Variants in PDIA6 observed in about 807,000 individuals in gnomAD.
The protein encoded by PDIA6 is protein disulfide-isomerase A6.
Under a neutral mutation model 58.4 loss-of-function variants are expected in PDIA6, and 29 were observed. The ratio of observed to expected loss-of-function variants is 0.50; its 90% CI spans 0.37 to 0.68. The LOEUF is 0.68. Among genes scored for constraint, PDIA6 ranks in the 30% least tolerant of loss-of-function variants. PDIA6 has a pLI of 0.00. For synonymous variants in PDIA6, 192 were observed against 202.6 expected (o/e 0.95, Z 0.44); for missense variants, 480 against 551.0 (o/e 0.87, Z 1.29).
chr2:10,809,857 A>G (rs895137130), intron 1 of PDIA6, among the ~76,000 whole-genome samples: 2 of 152,232 alleles, frequency 1.3e-5, no homozygotes, highest in East Asian at 3.8e-4. Context: ...AATTACTCCA[A>G]TGTAACCATT....
chr2:10,808,243 A>G (rs2148560895), intron 1 of PDIA6, among the ~76,000 whole-genome samples: 1 of 152,348 alleles, frequency 6.6e-6, no homozygotes, highest in South Asian at 2.1e-4. Flanking sequence ...ACATAAACCA[A>G]GATACATGTG....
chr2:10,792,681 T>C (rs1666088083), intron 5 of PDIA6, among the ~76,000 whole-genome samples: 1 of 152,210 alleles, frequency 6.6e-6, no homozygotes, highest in Non-Finnish European at 1.5e-5. Context: ...TATCCATTTG[T>C]GTAGAATTTT....
At chr2:10,813,347 TCTC>T (rs766958481), upstream of PDIA6, among the ~76,000 whole-genome samples, 12 of 152,228 alleles carry the variant, frequency 7.9e-5, no homozygotes, top group Admixed American at 2.6e-4. Flanking sequence ...TGCAGAGCCT[TCTC>T]CTCCTTCTCT....
chr2:10,787,322 T>C lies in PDIA6; in HGVS notation c.1116A>G (p.Leu372=). Residue 372 remains leucine, a synonymous_variant, in exon 11 of 13, where the codon CTA becomes CTG. Coordinates refer to ENST00000272227, the MANE Select transcript of PDIA6 (RefSeq NM_005742.4). ...INARKMKFAL[L]KGSFSEQGIN... Reference sequence around the variant, plus strand: ...TGCCTTGCTCACTGAAGGAGCCTTTTAGCAGAGCAAATTTCATCTTGCGTG... The same window carrying C: ...TGCCTTGCTCACTGAAGGAGCCTTTCAGCAGAGCAAATTTCATCTTGCGTG... 1 of 1,614,238 alleles carries C rather than the reference T, an allele frequency of 6.2e-7. No individual in the cohort carries two copies. The highest frequency in any genetic ancestry group is 8.5e-7 in the Non-Finnish European group (1 of 1,180,036).
upstream of PDIA6, among the ~76,000 whole-genome samples, chr2:10,835,919 CGG>C (rs2148586852): frequency 6.6e-6 from 1 of 152,166 alleles, no homozygotes; most frequent in Admixed American, 6.5e-5. Flanking sequence ...GGCGTGGTGG[CGG>C]GCGCCTGTAA....
At chr2:10,812,875 G>A (rs6736810), upstream of PDIA6, 2 of 1,155,954 alleles carry the variant, frequency 1.7e-6, no homozygotes, top group South Asian at 4.3e-5. Context: ...TCATTGGTCC[G>A]GGCGGACATC....
At chr2:10,786,148 A>C (rs1016756766) in intron 11 of PDIA6, among the ~76,000 whole-genome samples, 5 of 151,978 alleles carry the variant, frequency 3.3e-5, no homozygotes, top group Admixed American at 6.6e-5. Context: ...CCTGGTGAAA[A>C]CCCATCTCTA....
intron 7 of PDIA6, 37 bp from the exon 8 acceptor site, chr2:10,789,926 C>CT: frequency 1.9e-6 from 3 of 1,550,884 alleles, no homozygotes; most frequent in Non-Finnish European, 2.7e-6. Context: ...ATCCAATTAA[C>CT]ACTTAATGCA....
chr2:10,816,579 A>G (rs538206831), upstream of PDIA6, among the ~76,000 whole-genome samples: 40 of 137,792 alleles, frequency 2.9e-4, no homozygotes, highest in African/African-American at 1.1e-3. Context: ...CCACCTCCCC[A>G]CTTTTAAAAA....
At chr2:10,813,644 C>T (rs1844387), upstream of PDIA6, among the ~76,000 whole-genome samples, 76,082 of 150,512 alleles carry the variant, frequency 0.51, 19,504 homozygotes, top group East Asian at 0.73. Context: ...AATTTTTTTG[C>T]TTTTTTTTGA....
intron 1 of PDIA6, among the ~76,000 whole-genome samples, chr2:10,809,033 T>C (rs1384328732): frequency 6.6e-6 from 1 of 152,144 alleles, no homozygotes; most frequent in Non-Finnish European, 1.5e-5. Flanking sequence ...GGTCTTGAAC[T>C]CCTGACCTCA....
intron 4 of PDIA6, 98 bp from the exon 5 acceptor site, chr2:10,793,300 C>T (rs1666122098): frequency 9.4e-6 from 7 of 741,140 alleles, no homozygotes; most frequent in Non-Finnish European, 1.7e-5. Flanking sequence ...CTGTCGGCTT[C>T]ACCAGGTGTG....
Position 10,784,129 on chromosome 2 carries a change from A to G in PDIA6, c.*129T>C, listed in dbSNP as rs929035806. 5 of 561,006 alleles carry G rather than the reference A, an allele frequency of 8.9e-6. No individual in the cohort carries two copies. The highest frequency in any genetic ancestry group is 3.0e-5 in the South Asian group (1 of 33,580). The allele number at this position is 561,006 out of a possible 1,614,324, so 34.8% of individuals were successfully genotyped here. A position where few individuals can be genotyped will look rare whatever the true frequency, so the allele number is the denominator to read the frequency against. Reference sequence around the variant, plus strand: ...CTGTTGCAGTGTTTTCAAATGACCAATCAAGTACTACTTCTTGGTTAAAAG... The same window carrying G: ...CTGTTGCAGTGTTTTCAAATGACCAGTCAAGTACTACTTCTTGGTTAAAAG... On this transcript the variant is annotated 3_prime_UTR_variant, in exon 13 of 13. Transcript: ENST00000272227.
rs1558433581 is a variant in PDIA6 at position 10,783,515 on chromosome 2, T to A, written c.*743A>T. 1 of 374,218 alleles carries A rather than the reference T, an allele frequency of 2.7e-6. No homozygotes were observed. 23.2% of individuals were successfully genotyped at this position (374,218 alleles called of 1,614,324 possible). ...CATAAATGCGAACTACCTGTTCGCA[T>A]TGGTAACCTGCTGCTGTATTTCATG... On this transcript the variant is annotated 3_prime_UTR_variant, in exon 13 of 13. Transcript: ENST00000272227.
intron 4 of PDIA6, among the ~76,000 whole-genome samples, chr2:10,795,465 G>A (rs1395555890): frequency 1.4e-5 from 2 of 144,086 alleles, no homozygotes; most frequent in Non-Finnish European, 3.1e-5. Flanking sequence ...GAGACAACGT[G>A]TCCAAGGCCA....
upstream of PDIA6, among the ~76,000 whole-genome samples, chr2:10,832,834 T>A (rs10929701): frequency 0.73 from 111,549 of 151,934 alleles, 41,614 homozygotes; most frequent in East Asian, 0.87. Flanking sequence ...AGGAACAGGG[T>A]AAGGAGGCGG....
chr2:10,805,951 C>A (rs374752457), intron 1 of PDIA6, among the ~76,000 whole-genome samples: 3 of 93,950 alleles, frequency 3.2e-5, no homozygotes, highest in African/African-American at 9.5e-5. Context: ...GGGAGATATA[C>A]CTAATGCTAG....
intron 2 of PDIA6, among the ~76,000 whole-genome samples, chr2:10,798,192 A>T (rs759763108): frequency 2.0e-4 from 30 of 152,202 alleles, no homozygotes; most frequent in Middle Eastern, 3.4e-3. Context: ...CTCAAAAAAT[A>T]AAAATAAAAA....
At chr2:10,794,165 G>A (rs1475635570) in intron 4 of PDIA6, among the ~76,000 whole-genome samples, 2 of 152,072 alleles carry the variant, frequency 1.3e-5, no homozygotes, top group Non-Finnish European at 2.9e-5. Flanking sequence ...TCATTTTCTG[G>A]CCAGCTGTGG....
Sources: allele counts gnomAD v4.1 joint callset (sites outside exome capture counted in the v4.1 genomes callset), GRCh38; gene constraint gnomAD v4.1.1; transcripts MANE v1.5; gene names NCBI Gene and HGNC (gene_info 2026-07-23, HGNC 2026-07-21).